Variants in KLF12 observed in about 807,000 individuals in gnomAD.
KLF12 encodes Krueppel-like factor 12.
In KLF12, 9 loss-of-function variants were observed where a neutral mutation model predicts 37.8. That is an observed-to-expected ratio of 0.24 (90% confidence interval 0.14 to 0.42). The LOEUF (loss-of-function observed/expected upper bound fraction) is 0.42, where lower values mean the gene tolerates loss of function less well. Ranked by LOEUF, KLF12 falls within the 10% of genes least tolerant of loss-of-function variation. The probability of loss-of-function intolerance (pLI) is 1.00; values close to 1 mark genes in which losing one functional copy is unlikely to be tolerated. For synonymous variants in KLF12, 208 were observed against 202.1 expected (o/e 1.03, Z -0.25); for missense variants, 411 against 516.0 (o/e 0.80, Z 1.97).
intron 4 of KLF12, among the ~76,000 whole-genome samples, chr13:73,828,157 T>C (rs576582498): frequency 2.0e-5 from 3 of 152,180 alleles, no homozygotes; most frequent in East Asian, 3.9e-4. Context: ...GAGGAGCCTA[T>C]TGCATTGCTT....
intron 1 of KLF12, among the ~76,000 whole-genome samples, chr13:74,054,804 A>C (rs1230511153): frequency 2.0e-5 from 3 of 152,238 alleles, no homozygotes; most frequent in Non-Finnish European, 4.4e-5. Flanking sequence ...TTTCCAAAAT[A>C]AAAACAATGT....
intron 6 of KLF12, among the ~76,000 whole-genome samples, chr13:73,739,952 T>G (rs935394215): frequency 8.1e-6 from 1 of 124,010 alleles, no homozygotes; most frequent in African/African-American, 2.6e-5. Flanking sequence ...GTTAATTAAG[T>G]GTAACAAGAA....
chr13:73,834,686 A>G (rs1483001397), intron 4 of KLF12, among the ~76,000 whole-genome samples: 2 of 151,976 alleles, frequency 1.3e-5, no homozygotes, highest in African/African-American at 4.8e-5. Context: ...TAATTTTTGT[A>G]TTCTTCGTAG....
At chr13:74,110,066 C>G (rs1418242878) in intron 1 of KLF12, among the ~76,000 whole-genome samples, 1 of 152,088 alleles carries the variant, frequency 6.6e-6, no homozygotes, top group Non-Finnish European at 1.5e-5. Context: ...TCAAATTTTT[C>G]AAGAAAATTT....
chr13:73,831,893 G>C (rs1017770507), intron 4 of KLF12, among the ~76,000 whole-genome samples: 1 of 152,214 alleles, frequency 6.6e-6, no homozygotes, highest in Non-Finnish European at 1.5e-5. Flanking sequence ...AAAATCTACT[G>C]AGAAGACATT....
chr13:74,267,216 G>T, the KLF12 span, among the ~76,000 whole-genome samples: 1 of 152,170 alleles, frequency 6.6e-6, no homozygotes, highest in Non-Finnish European at 1.5e-5. Flanking sequence ...ATTTGAGAAA[G>T]AGTCTTTACA....
intron 1 of KLF12, among the ~76,000 whole-genome samples, chr13:74,051,341 A>AACACACACACAC (rs10678885): frequency 0.021 from 3,044 of 143,740 alleles, 55 homozygotes; most frequent in Middle Eastern, 0.036. Flanking sequence ...TACACACACA[A>AACACACACACAC]ACACACACAC....
chr13:74,058,214 G>A (rs369093458), intron 1 of KLF12, among the ~76,000 whole-genome samples: 32 of 151,776 alleles, frequency 2.1e-4, no homozygotes, highest in African/African-American at 6.8e-4. Flanking sequence ...TGATCCACCC[G>A]CCTCGGACTC....
intron 1 of KLF12, among the ~76,000 whole-genome samples, chr13:74,036,782 A>G (rs1893257106): frequency 6.6e-6 from 1 of 152,234 alleles, no homozygotes; most frequent in Non-Finnish European, 1.5e-5. Flanking sequence ...AGAATAAGAC[A>G]GGGAAGAGGA....
chr13:73,721,597 A>G (rs1260838151), intron 6 of KLF12, among the ~76,000 whole-genome samples: 1 of 152,158 alleles, frequency 6.6e-6, no homozygotes, highest in East Asian at 1.9e-4. Flanking sequence ...CTGTTGCCCA[A>G]GCTGCAGTGC....
chr13:74,252,977 G>GTCTA, the KLF12 span, among the ~76,000 whole-genome samples: 3,128 of 147,294 alleles, frequency 0.021, 45 homozygotes, highest in East Asian at 0.032. Flanking sequence ...TCTGTCATCT[G>GTCTA]TCTATCTATC....
At chr13:74,047,034 C>T (rs1364809598) in intron 1 of KLF12, among the ~76,000 whole-genome samples, 2 of 152,052 alleles carry the variant, frequency 1.3e-5, no homozygotes, top group East Asian at 1.9e-4. Context: ...GGTTTTTAAA[C>T]CACAGCATTA....
At chr13:74,262,867 A>G in the KLF12 span, among the ~76,000 whole-genome samples, 2 of 152,176 alleles carry the variant, frequency 1.3e-5, no homozygotes, top group Non-Finnish European at 2.9e-5. Flanking sequence ...ATATATGTAT[A>G]TATCTCACAG....
rs1873941865 is a variant in KLF12 at position 73,693,650 on chromosome 13, T to G, written c.*1840A>C. The G allele has an allele frequency of 6.6e-6, 1 of 152,628 alleles. No homozygotes were observed. The highest frequency in any genetic ancestry group is 1.5e-5 in the Non-Finnish European group (1 of 68,036). 9.5% of individuals were successfully genotyped at this position (152,628 alleles called of 1,614,324 possible). A position where few individuals can be genotyped will look rare whatever the true frequency, so the allele number is the denominator to read the frequency against. ...GGTAATTCTGTAACCGGAAATTATT[T>G]CAGAATGTCCAGACATTTAAAAATG... On this transcript the variant is annotated 3_prime_UTR_variant, in exon 8 of 8. Transcript: ENST00000377669.
chr13:73,702,042 G>A (rs1874597817), intron 7 of KLF12, among the ~76,000 whole-genome samples: 1 of 152,070 alleles, frequency 6.6e-6, no homozygotes, highest in South Asian at 2.1e-4. Flanking sequence ...AAAGGGTGGG[G>A]GAGGTGTGGT....
chr13:73,790,292 TTTTTTA>T (rs1881612814), intron 5 of KLF12, among the ~76,000 whole-genome samples: 2 of 152,298 alleles, frequency 1.3e-5, no homozygotes, highest in Admixed American at 6.5e-5. Flanking sequence ...AAACTTTTCA[TTTTTTA>T]TTTTTATTAA....
At chr13:74,084,317 T>C (rs1875119160) in intron 1 of KLF12, among the ~76,000 whole-genome samples, 1 of 152,204 alleles carries the variant, frequency 6.6e-6, no homozygotes, top group African/African-American at 2.4e-5. Flanking sequence ...CCTCACTCTA[T>C]TACAAATGCA....
chr13:73,882,657 C>T (rs565096501), intron 3 of KLF12, among the ~76,000 whole-genome samples: 20 of 152,142 alleles, frequency 1.3e-4, no homozygotes, highest in African/African-American at 3.4e-4. Flanking sequence ...CACGATTAAA[C>T]GGTGATTTAA....
At chr13:73,856,528 C>T (rs1457690378) in intron 3 of KLF12, among the ~76,000 whole-genome samples, 1 of 152,062 alleles carries the variant, frequency 6.6e-6, no homozygotes, top group Non-Finnish European at 1.5e-5. Context: ...TCCCACCCTC[C>T]CTCCTCCATA....
Sources: allele counts gnomAD v4.1 joint callset (sites outside exome capture counted in the v4.1 genomes callset), GRCh38; gene constraint gnomAD v4.1.1; transcripts MANE v1.5; gene names NCBI Gene and HGNC (gene_info 2026-07-23, HGNC 2026-07-21).